ZNF280C: variants seen among roughly 807,000 people sequenced by gnomAD.
ZNF280C encodes zinc finger protein 280C.
ZNF280C carries 14 observed loss-of-function variants against 53.6 expected under a neutral mutation model. The ratio of observed to expected loss-of-function variants is 0.26; its 90% CI spans 0.17 to 0.41. ZNF280C has a LOEUF of 0.41. Ranked by LOEUF, ZNF280C falls within the 10% of genes least tolerant of loss-of-function variation. ZNF280C has a pLI of 1.00. For synonymous variants in ZNF280C, 203 were observed against 181.1 expected, an observed-to-expected ratio of 1.12 and a Z score of -0.97; for missense variants, 416 against 547.1, an observed-to-expected ratio of 0.76 and a Z score of 2.39.
intron 2 of ZNF280C, among the ~76,000 whole-genome samples, 173 bp downstream of exon 2, chrX:130,260,246 C>G (rs767405745): frequency 3.6e-5 from 4 of 111,159 alleles, no homozygotes; most frequent in African/African-American, 1.3e-4. Context: ...CATGCCACTG[C>G]ACTCCAGCCT....
At chrX:130,251,699 G>A (rs2032512322) in intron 2 of ZNF280C, among the ~76,000 whole-genome samples, 1 of 110,211 alleles carries the variant, frequency 9.1e-6, no homozygotes, top group East Asian at 2.8e-4. Flanking sequence ...AGGAGAGAAC[G>A]AGAATCTCTG....
chrX:130,254,380 C>T (rs2032543748), intron 2 of ZNF280C, among the ~76,000 whole-genome samples: 1 of 111,703 alleles, frequency 9.0e-6, no homozygotes, highest in Non-Finnish European at 1.9e-5. Flanking sequence ...ACAGAACTAC[C>T]ATTAGACCCA....
intron 5 of ZNF280C, among the ~76,000 whole-genome samples, chrX:130,239,929 T>C (rs1368570216): frequency 9.0e-6 from 1 of 111,420 alleles, no homozygotes; most frequent in Non-Finnish European, 1.9e-5. Flanking sequence ...ATGTTAAAAT[T>C]TAAAAATAAT....
At chrX:130,209,215 T>TA (rs2032014647) in intron 16 of ZNF280C, among the ~76,000 whole-genome samples, 1 of 111,850 alleles carries the variant, frequency 8.9e-6, no homozygotes, top group Admixed American at 9.5e-5. Context: ...CAAAATAATG[T>TA]AAAAAAACAG....
chrX:130,262,538 T>C (rs1176725220), intron 1 of ZNF280C, among the ~76,000 whole-genome samples: 4 of 112,018 alleles, frequency 3.6e-5, no homozygotes, highest in East Asian at 2.8e-4. Context: ...AGGGAAGGAA[T>C]TGTATGGGGG....
intron 2 of ZNF280C, among the ~76,000 whole-genome samples, chrX:130,250,031 G>A (rs953280644): frequency 9.0e-6 from 1 of 111,714 alleles, no homozygotes; most frequent in Non-Finnish European, 1.9e-5. Flanking sequence ...TATTAATAGC[G>A]GAATAGAACA....
intron 13 of ZNF280C, among the ~76,000 whole-genome samples, chrX:130,218,491 A>G (rs901631874): frequency 1.8e-5 from 2 of 112,593 alleles, no homozygotes; most frequent in Middle Eastern, 9.2e-3. Context: ...TAATAATAGA[A>G]AAGTCATCCA....
intron 1 of ZNF280C, among the ~76,000 whole-genome samples, chrX:130,265,635 G>A (rs1429387648): frequency 8.9e-6 from 1 of 112,062 alleles, no homozygotes; most frequent in African/African-American, 3.2e-5. Flanking sequence ...CTGACAACCT[G>A]AGTGGGAATT....
At chrX:130,238,424 A>G (rs770285316) in intron 6 of ZNF280C, among the ~76,000 whole-genome samples, 10 of 111,374 alleles carry the variant, frequency 9.0e-5, no homozygotes, top group Non-Finnish European at 1.7e-4. Context: ...AAACTGAGGT[A>G]TAAAGAGGTT....
At chrX:130,224,853 A>C (rs986657493) in intron 12 of ZNF280C, among the ~76,000 whole-genome samples, 1 of 111,356 alleles carries the variant, frequency 9.0e-6, no homozygotes, top group African/African-American at 3.3e-5. Flanking sequence ...TTTTGTGCGA[A>C]TTTTCTTGAC....
rs1295206268 is a variant in ZNF280C, at chrX:130,226,597, AAATT to A, written c.1395+158_1395+161del. Among the ~76,000 whole-genome samples the A allele has an allele frequency of 8.9e-5, 10 of 112,332 alleles. No homozygotes were observed. In the Middle Eastern group the frequency reaches 0.014, roughly 154 times the overall value. On this transcript the variant is annotated intron_variant, in intron 12 of 18. Coordinates refer to ENST00000370978, the MANE Select transcript of ZNF280C (RefSeq NM_017666.5). ...TCACAAGTTATTCAGCATAAATTAT[AAATT>A]AATTGTGTCATTCAGAACAACTTTG... is the stretch of plus-strand genomic sequence containing the variant.
At chrX:130,261,098 G>C (rs1403298272) in intron 1 of ZNF280C, among the ~76,000 whole-genome samples, 1 of 112,026 alleles carries the variant, frequency 8.9e-6, no homozygotes, top group African/African-American at 3.2e-5. Context: ...TAAAGTAACT[G>C]TTCATTGCCT....
Position 130,243,321 on chromosome X carries a change from TACAGGTGGTGC to T in ZNF280C, c.381+231_381+241del, listed in dbSNP as rs1176519179. ...TCTCAGCCTCCCGAGTAGCTGGGAC[TACAGGTGGTGC>T]ACCACTATGCCCAGCTAATTTTTTG... is the stretch of plus-strand genomic sequence containing the variant. On this transcript the variant is annotated intron_variant, in intron 5 of 18. Transcript: ENST00000370978. 2.7e-5 allele frequency among the ~76,000 whole-genome samples: 3 copies of T among 111,562 alleles called. No homozygotes were observed. The East Asian group carries it at 8.4e-4, about 31-fold the overall frequency.
intron 2 of ZNF280C, among the ~76,000 whole-genome samples, chrX:130,247,808 C>A (rs209219): frequency 6.4e-5 from 7 of 108,862 alleles, no homozygotes; most frequent in Admixed American, 5.9e-4. Context: ...TCAGGTATAT[C>A]AGGCACAGGG....
intron 2 of ZNF280C, among the ~76,000 whole-genome samples, chrX:130,251,300 A>AAAAAAAAAAAAAAAAAAAAC (rs1193088666): frequency 9.8e-6 from 1 of 102,084 alleles, no homozygotes; most frequent in Non-Finnish European, 2.0e-5. Flanking sequence ...AAAAAAAAAA[A>AAAAAAAAAAAAAAAAAAAAC]AAAAAAAGAC....
Position 130,206,275 on chromosome X carries a change from T to C in ZNF280C, c.2043-860A>G, listed in dbSNP as rs763833434. ...TATCAGTTTATTAACAAAGCATACA[T>C]ATACTTTTGAAGTTCATCAGATACT... On this transcript the variant is annotated intron_variant, in intron 16 of 18. Coordinates refer to ENST00000370978, the MANE Select transcript of ZNF280C (RefSeq NM_017666.5). Among the ~76,000 whole-genome samples, 16 of 110,850 alleles carry C rather than the reference T, an allele frequency of 1.4e-4. No individual in the cohort carries two copies. The South Asian group carries it at 6.1e-3, about 42-fold the overall frequency.
At chrX:130,262,638 T>C (rs1053744033) in intron 1 of ZNF280C, among the ~76,000 whole-genome samples, 2 of 111,598 alleles carry the variant, frequency 1.8e-5, no homozygotes, top group African/African-American at 6.5e-5. Context: ...CCAGAGGGTC[T>C]CTAGGTTCTG....
chrX:130,241,789 T>C (rs1279724573), intron 5 of ZNF280C, among the ~76,000 whole-genome samples: 1 of 110,981 alleles, frequency 9.0e-6, no homozygotes, highest in Non-Finnish European at 1.9e-5. Context: ...TATGCTTAAA[T>C]GTATAAATGG....
chrX:130,233,570 C>T (rs912534843), intron 8 of ZNF280C, among the ~76,000 whole-genome samples: 1 of 101,230 alleles, frequency 9.9e-6, no homozygotes, highest in Non-Finnish European at 2.0e-5. Flanking sequence ...TGTGGTCAGC[C>T]GAGATTACAC....
Sources: gnomAD v4.1 joint callset for allele counts (sites outside exome capture counted in the v4.1 genomes callset) on GRCh38, gnomAD v4.1.1 for gene constraint, MANE v1.5 for transcripts, NCBI Gene and HGNC (gene_info 2026-07-23, HGNC 2026-07-21) for gene names.